Variants in ZNF653 observed in about 807,000 individuals in gnomAD.
ZNF653 encodes zinc finger protein 653, also known as 67 kDa zinc finger protein.
In ZNF653, 37 loss-of-function variants were observed where a neutral mutation model predicts 59.9. The ratio of observed to expected loss-of-function variants is 0.62; its 90% CI spans 0.48 to 0.81. The LOEUF is 0.81. Ranked by LOEUF, ZNF653 falls within the 40% of genes least tolerant of loss-of-function variation. ZNF653 has a pLI of 0.00. For synonymous variants in ZNF653, 435 were observed against 371.8 expected (o/e 1.17, Z -1.96); for missense variants, 808 against 881.1 (o/e 0.92, Z 1.05).
rs1356840509 is a variant in ZNF653, at chr19:11,495,196, GA to G, written c.559+753del. Among the ~76,000 whole-genome samples, 1 of 151,994 alleles carries G rather than the reference GA, an allele frequency of 6.6e-6. No individual in the cohort carries two copies. Among genetic ancestry groups the G allele is most frequent in the Non-Finnish European group, 1.5e-5 (1 of 67,932 alleles). The stretch of plus-strand genomic sequence containing the variant: ...CTTCTCCAGCCATTGCCGAACCCCT[GA>G]GGCTGCCGGCAGCCCCCTCACCACT... On this transcript the variant is annotated intron_variant, in intron 3 of 8. Transcript: ENST00000293771. This position sits in a 1 kb window ranked among gnomAD's most constrained non-coding sequence, Gnocchi z 4.9.
intron 3 of ZNF653, among the ~76,000 whole-genome samples, chr19:11,492,371 A>T (rs1335554108): frequency 2.0e-5 from 3 of 151,042 alleles, no homozygotes; most frequent in African/African-American, 2.4e-5. Flanking sequence ...TTTTTTTGAG[A>T]CAGTGTCTCC....
At position 11,484,086 on chromosome 19, in the gene ZNF653, G is replaced by A. The variant is rs1362785309; in HGVS notation, c.1626C>T (p.His542=). The A allele has an allele frequency of 4.5e-6, 7 of 1,560,304 alleles. No homozygotes were observed. Among genetic ancestry groups the A allele is most frequent in the Non-Finnish European group, 6.1e-6 (7 of 1,151,994 alleles). Residue 542 remains histidine (H), a synonymous_variant, in exon 8 of 9, where the codon CAC becomes CAT. Coordinates refer to ENST00000293771, the MANE Select transcript of ZNF653 (RefSeq NM_138783.4). ...TCGKSFKRKN[H]LEVHRRTHTG... ...TGTGGGTGCGCCGATGTACCTCCAGGTGGTTCTTCCTCTTGAAGGACTTGC... is the reference window on the plus strand; with the variant it reads ...TGTGGGTGCGCCGATGTACCTCCAGATGGTTCTTCCTCTTGAAGGACTTGC...
chr19:11,492,732 AGAGCCCCCAGTGCC>A (rs1276632407), intron 3 of ZNF653, among the ~76,000 whole-genome samples: 1 of 152,160 alleles, frequency 6.6e-6, no homozygotes, highest in African/African-American at 2.4e-5. Flanking sequence ...GTCCCGGTGC[AGAGCCCCCAGTGCC>A]GAGAAGGCTG....
Position 11,487,147 on chromosome 19 carries a change from G to C in ZNF653, c.1183C>G (p.Leu395Val), listed in dbSNP as rs1971476061. ...GIETKKEKEDLCLLKKEEKEE... is the reference protein window; with the variant it reads ...GIETKKEKEDVCLLKKEEKEE... Reference sequence around the variant, plus strand: ...TTCTCCTCCTTCTTTAGCAAGCACAGGTCCTCCTTCTCTACAGGGTGGACA... The same window carrying C: ...TTCTCCTCCTTCTTTAGCAAGCACACGTCCTCCTTCTCTACAGGGTGGACA... The change falls in exon 5 of 9, where the codon CTG becomes GTG. Residue 395 changes from leucine (L) to valine (V), a missense_variant. Leu to Val is a conservative substitution (Grantham distance 32). Coordinates refer to ENST00000293771, the MANE Select transcript of ZNF653 (RefSeq NM_138783.4). This position sits in a 1 kb window ranked among gnomAD's most constrained non-coding sequence, Gnocchi z 5.1. 6.2e-7 allele frequency: 1 copy of C among 1,611,320 alleles called. No individual in the cohort carries two copies.
In ZNF653 at chr19:11,496,168, A is replaced by G. The variant is rs756723871; in HGVS notation, c.344-3T>C. On this transcript the variant is annotated splice_polypyrimidine_tract_variant and splice_region_variant and intron_variant, in intron 2 of 8. Transcript: ENST00000293771. ...GCAGTTCACGTTGCGTCGCCGCCCT[A>G]TGGACACAGGGCCGAGGAGTGGGTA... 5 of 1,612,852 alleles carry G rather than the reference A, an allele frequency of 3.1e-6. No individual in the cohort carries two copies. The highest frequency in any genetic ancestry group is 3.4e-6 in the Non-Finnish European group (4 of 1,179,720).
chr19:11,495,937 C>T lies in ZNF653; in HGVS notation c.559+13G>A, dbSNP rs375222062. 4.1e-4 allele frequency: 665 copies of T among 1,612,524 alleles called. No homozygotes were observed. Among genetic ancestry groups the T allele is most frequent in the Non-Finnish European group, 5.4e-4 (636 of 1,179,508 alleles). ...TGGGCGGCCCCCTATGTGCCCTCGC[C>T]CTGCAGACCTACCTTTGTCACTGTC... On this transcript the variant is annotated intron_variant, in intron 3 of 8. Transcript: ENST00000293771. The surrounding 1 kb of genome is among the most constrained non-coding windows in gnomAD (Gnocchi z 4.9).
Position 11,487,417 on chromosome 19 carries a change from C to G in ZNF653, c.1046G>C (p.Gly349Ala), listed in dbSNP as rs142545596. The G allele has an allele frequency of 1.2e-6, 2 of 1,612,240 alleles. No individual in the cohort carries two copies. The highest frequency in any genetic ancestry group is 1.7e-6 in the Non-Finnish European group (2 of 1,179,936). Residue 349 changes from glycine to alanine, a missense_variant, in exon 4 of 9, where the codon GGA becomes GCA. Coordinates refer to ENST00000293771, the MANE Select transcript of ZNF653 (RefSeq NM_138783.4). The surrounding 1 kb of genome is among the most constrained non-coding windows in gnomAD (Gnocchi z 5.1). ...GGCACAGGGCACCTCCTCGCCCAGT[C>G]CACTGCCGGGGACACCGCTGCCTGC... ...MAAGSGVPGS[G>A]LGEEVPCAMM...
At chr19:11,498,632 C>T (rs985113364) in intron 1 of ZNF653, among the ~76,000 whole-genome samples, 82 of 152,074 alleles carry the variant, frequency 5.4e-4, no homozygotes, top group South Asian at 6.2e-4. Context: ...TTAGTAGAGA[C>T]GGAGTTTCAC....
rs554057118 is a variant in ZNF653 at position 11,495,463 on chromosome 19, G to A, written c.559+487C>T. On this transcript the variant is annotated intron_variant, in intron 3 of 8. Coordinates refer to ENST00000293771, the MANE Select transcript of ZNF653 (RefSeq NM_138783.4). This position sits in a 1 kb window ranked among gnomAD's most constrained non-coding sequence, Gnocchi z 4.9. ...AGAATGGAGGGGGAAGGCAAGAAAC[G>A]AAGCCTGGAAAGGCAGAAGGCAAGA... 59 of 172,904 alleles carry A rather than the reference G, an allele frequency of 3.4e-4. No homozygotes were observed. The highest frequency in any genetic ancestry group is 1.4e-3 in the African/African-American group (57 of 41,936). The allele number at this position is 172,904 out of a possible 1,614,324, so 10.7% of individuals were successfully genotyped here. A position where few individuals can be genotyped will look rare whatever the true frequency, so the allele number is the denominator to read the frequency against.
At chr19:11,493,867 A>G (rs1971554241) in intron 3 of ZNF653, among the ~76,000 whole-genome samples, 1 of 151,790 alleles carries the variant, frequency 6.6e-6, no homozygotes, top group Non-Finnish European at 1.5e-5. Flanking sequence ...AAAAATTTAA[A>G]AATCAGCTGG....
At position 11,495,771 on chromosome 19, in the gene ZNF653, C is replaced by G; in HGVS notation, c.559+179G>C. 1.6e-6 allele frequency: 1 copy of G among 644,626 alleles called. No homozygotes were observed. Among genetic ancestry groups the G allele is most frequent in the Non-Finnish European group, 2.7e-6 (1 of 375,982 alleles). 39.9% of individuals were successfully genotyped at this position (644,626 alleles called of 1,614,324 possible). ...TCCCCACTCAAGCTCTGTAAGGACG[C>G]AAAGAGGGCAAGGCCACGAAGGACT... On this transcript the variant is annotated intron_variant, in intron 3 of 8. Coordinates refer to ENST00000293771, the MANE Select transcript of ZNF653 (RefSeq NM_138783.4). The surrounding 1 kb of genome is among the most constrained non-coding windows in gnomAD (Gnocchi z 4.9).
In ZNF653 at chr19:11,495,968, C is replaced by G. The variant is rs1225758977; in HGVS notation, c.541G>C (p.Asp181His). The G allele has an allele frequency of 6.2e-7, 1 of 1,614,090 alleles. No homozygotes were observed. Among genetic ancestry groups the G allele is most frequent in the Non-Finnish European group, 8.5e-7 (1 of 1,179,982 alleles). The change falls in exon 3 of 9, where the codon GAC (aspartate) becomes CAC (histidine). Residue 181 changes from aspartate to histidine, a missense_variant. Physicochemically the swap from Asp to His is moderately conservative, Grantham distance 81 (BLOSUM62 -1). Transcript: ENST00000293771. The surrounding 1 kb of genome is among the most constrained non-coding windows in gnomAD (Gnocchi z 4.9). ...HSPLKPLSDS[D>H]PDSDKVGNGL... ...GACCTACCTTTGTCACTGTCAGGGTCTGAGTCGCTGAGGGGCTTCAGGGGC... is the reference window on the plus strand; with the variant it reads ...GACCTACCTTTGTCACTGTCAGGGTGTGAGTCGCTGAGGGGCTTCAGGGGC...
Position 11,484,048 on chromosome 19 carries a change from G to T in ZNF653, c.1664C>A (p.Pro555His). 1 of 1,556,240 alleles carries T rather than the reference G, an allele frequency of 6.4e-7. No homozygotes were observed. Among genetic ancestry groups the T allele is most frequent in the Non-Finnish European group, 8.7e-7 (1 of 1,149,782 alleles). The stretch of plus-strand genomic sequence containing the variant: ...GGGGCGGCCTGTCACTCACTGCAGG[G>T]GGGTCTCGCCGGTGTGGGTGCGCCG... ...VHRRTHTGET[P>H]LQCEICGYQC... Residue 555 changes from proline (P) to histidine (H), a missense_variant, in exon 8 of 9, where the codon CCC (proline) becomes CAC (histidine). Coordinates refer to ENST00000293771, the MANE Select transcript of ZNF653 (RefSeq NM_138783.4).
intron 2 of ZNF653, 113 bp downstream of exon 2, chr19:11,498,183 G>T: frequency 6.9e-7 from 1 of 1,446,298 alleles, no homozygotes; most frequent in Non-Finnish European, 9.7e-7. Flanking sequence ...GTCGGGCTCT[G>T]CTGGTTCCAA....
chr19:11,505,333 C>A (rs1971701793), intron 1 of ZNF653, 155 bp downstream of exon 1: 3 of 741,642 alleles, frequency 4.0e-6, no homozygotes, highest in African/African-American at 3.8e-5. Flanking sequence ...AGGCGCGTCC[C>A]GGCCAGGCAG....
intron 1 of ZNF653, chr19:11,500,591 C>T (rs1336715176): frequency 1.3e-5 from 2 of 152,360 alleles, no homozygotes; most frequent in Non-Finnish European, 2.9e-5. Flanking sequence ...GCCTCAGCCT[C>T]CCAAAGTGCT....
intron 1 of ZNF653, chr19:11,504,504 CTT>C (rs938842654): frequency 1.0e-6 from 1 of 985,478 alleles, no homozygotes; most frequent in African/African-American, 1.7e-5. Flanking sequence ...AGGCAGGTAT[CTT>C]TGCGCTCCCA....
In ZNF653 at chr19:11,495,974, C is replaced by T. The variant is rs369731446; in HGVS notation, c.535G>A (p.Asp179Asn). 1.0e-4 allele frequency: 161 copies of T among 1,614,124 alleles called. No individual in the cohort carries two copies. The highest frequency in any genetic ancestry group is 1.3e-4 in the Non-Finnish European group (155 of 1,180,002). Residue 179 changes from aspartate to asparagine, a missense_variant, in exon 3 of 9, where the codon GAC (aspartate) becomes AAC (asparagine). By Grantham distance (23) the Asp-to-Asn change is conservative. Transcript: ENST00000293771. This position sits in a 1 kb window ranked among gnomAD's most constrained non-coding sequence, Gnocchi z 4.9. The part of the protein sequence containing the change: ...DLHSPLKPLS[D>N]SDPDSDKVGN... The stretch of plus-strand genomic sequence containing the variant: ...CCTTTGTCACTGTCAGGGTCTGAGT[C>T]GCTGAGGGGCTTCAGGGGCGAATGC...
chr19:11,501,175 CTTT>C (rs1182295206), intron 1 of ZNF653, among the ~76,000 whole-genome samples: 24 of 143,584 alleles, frequency 1.7e-4, no homozygotes, highest in African/African-American at 4.6e-4. Context: ...TTCCCCATAT[CTTT>C]TTTTTTTTTT....
Sources: allele counts gnomAD v4.1 joint callset (sites outside exome capture counted in the v4.1 genomes callset), GRCh38; gene constraint gnomAD v4.1.1; non-coding constraint Gnocchi (gnomAD v3.1); transcripts MANE v1.5; gene names NCBI Gene and HGNC (gene_info 2026-07-23, HGNC 2026-07-21).